The following FAAH2 variants were observed in gnomAD, a reference collection of about 807,000 sequenced individuals.
The protein encoded by FAAH2 is fatty acid amide hydrolase 2.
FAAH2 carries 60 observed loss-of-function variants against 36.9 expected under a neutral mutation model. That is an observed-to-expected ratio of 1.63 (90% CI 1.32 to 2.02). The LOEUF (loss-of-function observed/expected upper bound fraction) is 2.02, where lower values mean the gene tolerates loss of function less well. Among genes scored for constraint, FAAH2 ranks in the 30% most tolerant of loss-of-function variants. The pLI is 0.00. For synonymous variants in FAAH2, 214 were observed against 143.8 expected (o/e 1.49, Z -3.49); for missense variants, 689 against 397.5 (o/e 1.73, Z -6.23).
At chrX:57,431,866 G>A (rs1569340763) in intron 7 of FAAH2, 52 bp from the exon 8 acceptor site, 2 of 989,461 alleles carry the variant, frequency 2.0e-6, no homozygotes, top group African/African-American at 4.1e-5. Context: ...CTCTTCAGTA[G>A]TATCTCCTCT....
chrX:57,300,894 A>AT (rs1425540031), intron 2 of FAAH2, among the ~76,000 whole-genome samples: 1 of 112,386 alleles, frequency 8.9e-6, no homozygotes, highest in Non-Finnish European at 1.9e-5. Context: ...AGAAATGCAA[A>AT]TCAAAACCAC....
the FAAH2 span, among the ~76,000 whole-genome samples, chrX:57,151,322 G>T: frequency 2.7e-5 from 3 of 111,799 alleles, no homozygotes; most frequent in Non-Finnish European, 5.6e-5. Flanking sequence ...TGCTAGATTG[G>T]GGAAGTTCTC....
chrX:57,216,169 T>C, the FAAH2 span, among the ~76,000 whole-genome samples: 1 of 107,278 alleles, frequency 9.3e-6, no homozygotes, highest in Admixed American at 1.0e-4. Context: ...TGGTTTTTGG[T>C]TACATGAGTA....
At chrX:57,315,611 A>G (rs1395752939) in intron 3 of FAAH2, among the ~76,000 whole-genome samples, 1 of 112,146 alleles carries the variant, frequency 8.9e-6, no homozygotes, top group African/African-American at 3.2e-5. Context: ...CAACATATGC[A>G]AATCATTTAA....
At chrX:57,437,151 G>A (rs1271647086) in intron 8 of FAAH2, among the ~76,000 whole-genome samples, 2 of 111,157 alleles carry the variant, frequency 1.8e-5, no homozygotes, top group Non-Finnish European at 3.8e-5. Flanking sequence ...AAGAGATGCA[G>A]GAAAAAGCAT....
At chrX:57,358,350 C>T (rs2054210839) in intron 5 of FAAH2, among the ~76,000 whole-genome samples, 1 of 110,462 alleles carries the variant, frequency 9.1e-6, no homozygotes. Context: ...TAGCAATTCC[C>T]CATTTCTCCC....
At chrX:57,346,139 C>T (rs960378232) in intron 5 of FAAH2, among the ~76,000 whole-genome samples, 9 of 110,858 alleles carry the variant, frequency 8.1e-5, no homozygotes, top group African/African-American at 2.9e-4. Context: ...CTATCAGGTG[C>T]AATTAGTCAA....
intron 5 of FAAH2, among the ~76,000 whole-genome samples, chrX:57,375,269 A>G (rs1041361245): frequency 9.3e-6 from 1 of 108,044 alleles, no homozygotes; most frequent in Non-Finnish European, 1.9e-5. Context: ...TTCTTTCTCT[A>G]TCTTGTGGAA....
intron 5 of FAAH2, among the ~76,000 whole-genome samples, chrX:57,377,577 C>G (rs369331449): frequency 4.3e-4 from 48 of 112,137 alleles, no homozygotes; most frequent in African/African-American, 1.5e-3. Flanking sequence ...AGCCAGGTAG[C>G]ATGATGTCTC....
At chrX:57,335,527 C>A (rs1440824434) in intron 4 of FAAH2, among the ~76,000 whole-genome samples, 1 of 113,231 alleles carries the variant, frequency 8.8e-6, no homozygotes. Flanking sequence ...CCAGCATGTC[C>A]CACCTCCAGC....
At chrX:57,187,147 AT>A in the FAAH2 span, among the ~76,000 whole-genome samples, 1 of 111,632 alleles carries the variant, frequency 9.0e-6, no homozygotes, top group Non-Finnish European at 1.9e-5. Flanking sequence ...TCTATAAATC[AT>A]TTTGAGCAGT....
chrX:57,460,112 A>C (rs765306855), intron 10 of FAAH2, among the ~76,000 whole-genome samples: 1 of 111,770 alleles, frequency 8.9e-6, no homozygotes, highest in Non-Finnish European at 1.9e-5. Context: ...TAGAGAAAAA[A>C]GAATGAAAAG....
chrX:57,255,479 G>T, the FAAH2 span, among the ~76,000 whole-genome samples: 1 of 111,818 alleles, frequency 8.9e-6, no homozygotes, highest in Non-Finnish European at 1.9e-5. Flanking sequence ...CCAAAAAAGA[G>T]AATTTTAGGC....
intron 7 of FAAH2, among the ~76,000 whole-genome samples, chrX:57,404,725 G>A (rs2055524718): frequency 9.0e-6 from 1 of 111,690 alleles, no homozygotes; most frequent in South Asian, 3.8e-4. Flanking sequence ...TAGGAGGCAG[G>A]GAGAGGAGGA....
At chrX:57,380,887 T>C in intron 6 of FAAH2, 25 bp from the exon 7 acceptor site, 1 of 956,080 alleles carries the variant, frequency 1.0e-6, no homozygotes, top group Middle Eastern at 2.9e-4. Context: ...TTTGTTGATG[T>C]CAGTTTCTTT....
the FAAH2 span, among the ~76,000 whole-genome samples, chrX:57,145,769 T>G: frequency 8.9e-6 from 1 of 112,008 alleles, no homozygotes; most frequent in African/African-American, 3.2e-5. Context: ...TTCATTCTCC[T>G]ACATGTGGCT....
At chrX:57,186,418 C>A in the FAAH2 span, among the ~76,000 whole-genome samples, 2 of 110,380 alleles carry the variant, frequency 1.8e-5, no homozygotes, top group Non-Finnish European at 3.8e-5. Context: ...GATGTTTTTT[C>A]TTCTTGTAAA....
intron 7 of FAAH2, among the ~76,000 whole-genome samples, chrX:57,403,219 G>A (rs2055482364): frequency 8.9e-6 from 1 of 111,874 alleles, no homozygotes; most frequent in African/African-American, 3.3e-5. Context: ...ACAAACATAG[G>A]GACGCCAGCA....
At chrX:57,323,101 G>T (rs1346587958) in intron 3 of FAAH2, among the ~76,000 whole-genome samples, 1 of 110,636 alleles carries the variant, frequency 9.0e-6, no homozygotes, top group Non-Finnish European at 1.9e-5. Flanking sequence ...TTTTGTCTTT[G>T]CAACAGTTTG....
Sources: gnomAD v4.1 joint callset for allele counts (sites outside exome capture counted in the v4.1 genomes callset) on GRCh38, gnomAD v4.1.1 for gene constraint, MANE v1.5 for transcripts, NCBI Gene and HGNC (gene_info 2026-07-23, HGNC 2026-07-21) for gene names.